SYNE2: variants seen among roughly 807,000 people sequenced by gnomAD.
SYNE2 encodes the protein nesprin-2.
A neutral mutation model predicts 856.3 loss-of-function variants in SYNE2; 431 were observed. That is an observed-to-expected ratio of 0.50 (90% confidence interval 0.47 to 0.55). The LOEUF is 0.55. SYNE2 is among the 20% of genes least tolerant of loss of function. The pLI is 0.00. For missense variants in SYNE2, 8,129 were observed against 8,023.2 expected (o/e 1.01, Z -0.50); for synonymous variants, 2,923 against 2,872.3 (o/e 1.02, Z -0.56).
intron 88 of SYNE2, chr14:64,162,726 A>T (rs1423520888): frequency 7.6e-6 from 2 of 261,546 alleles, no homozygotes; most frequent in Non-Finnish European, 1.5e-5. Context: ...AGTTTCCTCT[A>T]TGGTGTTTTT....
chr14:64,087,671 A>G lies in SYNE2; in HGVS notation c.11485A>G (p.Met3829Val). 6.2e-7 allele frequency: 1 copy of G among 1,613,970 alleles called. No homozygotes were observed. Among genetic ancestry groups the G allele is most frequent in the Non-Finnish European group, 8.5e-7 (1 of 1,179,930 alleles). The stretch of plus-strand genomic sequence containing the variant: ...TTTTTCCCATTCTGTGTTTATCTAG[A>G]TGGCTTTGGAAGATTCAGAACAGAA... ...TLSHHASTVQMALEDSEQKHN... is the reference protein window; with the variant it reads ...TLSHHASTVQVALEDSEQKHN... Residue 3829 changes from methionine to valine, a missense_variant and splice_region_variant, in exon 58 of 116, where the codon ATG becomes GTG. By Grantham distance (21) the Met-to-Val change is conservative. This residue lies in a region of SYNE2 where 5,410 missense variants were observed against 5,284.8 expected (regional missense o/e 1.02). Transcript: ENST00000555002.
Position 64,125,216 on chromosome 14 carries a change from A to C in SYNE2, c.13554+6A>C. ...CAAGTAACCTTCAGACACAGGTAGA[A>C]GCTGCACACAATGTGTTTTCCTCAT... On this transcript the variant is annotated splice_donor_region_variant and intron_variant, in intron 71 of 115. Coordinates refer to ENST00000555002, the MANE Select transcript of SYNE2 (RefSeq NM_182914.3). The C allele has an allele frequency of 6.2e-7, 1 of 1,614,102 alleles. No individual in the cohort carries two copies. The highest frequency in any genetic ancestry group is 1.1e-5 in the South Asian group (1 of 91,090).
rs779652892 is a variant in SYNE2, at chr14:64,225,445, C to G, written c.20643C>G (p.Asp6881Glu). Reference protein sequence around the residue: ...LACLLPSSEEDYSCTQANNFA... With the variant: ...LACLLPSSEEEYSCTQANNFA... ...GCCTGCTGCCCTCCTCCGAAGAAGA[C>G]TACAGCTGCACTCAGGCCAACAACT... Residue 6881 changes from aspartate (D) to glutamate (E), a missense_variant, in exon 116 of 116, where the codon GAC (aspartate) becomes GAG (glutamate). Coordinates refer to ENST00000555002, the MANE Select transcript of SYNE2 (RefSeq NM_182914.3). 9 of 1,614,080 alleles carry G rather than the reference C, an allele frequency of 5.6e-6. No homozygotes were observed. In the East Asian group the frequency reaches 1.1e-4, roughly 20 times the overall value.
At chr14:64,137,209 T>C (rs1446734917) in intron 78 of SYNE2, among the ~76,000 whole-genome samples, 1 of 152,226 alleles carries the variant, frequency 6.6e-6, no homozygotes, top group Non-Finnish European at 1.5e-5. Context: ...TGTTTTGTTT[T>C]GTTTTGTTTT....
chr14:63,983,860 C>T lies in SYNE2; in HGVS notation c.2125C>T (p.Pro709Ser), dbSNP rs749973572. 21 of 1,569,356 alleles carry T rather than the reference C, an allele frequency of 1.3e-5. 1 individual carries two copies. In the South Asian group the frequency reaches 2.1e-4, roughly 16 times the overall value. The stretch of plus-strand genomic sequence containing the variant: ...TTCAACAGATATGTCAGTAGAACTT[C>T]CTGAAAATTATAATCAAAATATAAA... ...EFSTDMSVELPENYNQNIKAG... is the reference protein window; with the variant it reads ...EFSTDMSVELSENYNQNIKAG... The change falls in exon 18 of 116, where the codon CCT (proline) becomes TCT (serine). Residue 709 changes from proline to serine, a missense_variant. Transcript: ENST00000555002.
At chr14:64,137,639 T>A (rs994839337) in intron 78 of SYNE2, 148 bp from the exon 79 acceptor site, 1 of 805,386 alleles carries the variant, frequency 1.2e-6, no homozygotes, top group Admixed American at 2.3e-5. Flanking sequence ...TAATCATGCA[T>A]CCAGTCAGAC....
At chr14:63,953,543 G>GATAGAT (rs1595856502) in intron 7 of SYNE2, among the ~76,000 whole-genome samples, 9 of 90,500 alleles carry the variant, frequency 9.9e-5, no homozygotes, top group Admixed American at 2.3e-4. Context: ...GAGAGAGAGA[G>GATAGAT]AGATAGATAG....
At chr14:64,167,997 A>G (rs1018235263) in intron 92 of SYNE2, among the ~76,000 whole-genome samples, 1 of 152,236 alleles carries the variant, frequency 6.6e-6, no homozygotes, top group Non-Finnish European at 1.5e-5. Context: ...ATAGTATTAA[A>G]GCACCTGGTA....
rs1890758638 is a variant in SYNE2, at chr14:63,853,111, G to A, written c.-84G>A. On this transcript the variant is annotated 5_prime_UTR_variant, in exon 1 of 116. Coordinates refer to ENST00000555002, the MANE Select transcript of SYNE2 (RefSeq NM_182914.3). The stretch of plus-strand genomic sequence containing the variant: ...CGGGGCGCCGACCTCGGGCGGCCCC[G>A]GCCCGCGCCCTTGCCCCTCGGCCGG... The A allele has an allele frequency of 6.6e-6, 1 of 151,818 alleles. No homozygotes were observed. The highest frequency in any genetic ancestry group is 6.6e-5 in the Admixed American group (1 of 15,226). The allele number at this position is 151,818 out of a possible 1,614,324, so 9.4% of individuals were successfully genotyped here.
rs760076701 is a variant in SYNE2 at position 64,138,003 on chromosome 14, G to A, written c.14843+20G>A. ...GCTCAGGTCAGCCTTTTTGGGGGTG[G>A]ATTGGCTTCATATTGTGCTGTGAAG... On this transcript the variant is annotated intron_variant, in intron 79 of 115. Coordinates refer to ENST00000555002, the MANE Select transcript of SYNE2 (RefSeq NM_182914.3). The A allele has an allele frequency of 5.0e-6, 8 of 1,607,050 alleles. No individual in the cohort carries two copies. The highest frequency in any genetic ancestry group is 3.5e-4 in the Middle Eastern group (2 of 5,788).
chr14:63,816,548 G>T (rs929721756), intron 1 of SYNE2, among the ~76,000 whole-genome samples: 1 of 152,012 alleles, frequency 6.6e-6, no homozygotes, highest in South Asian at 2.1e-4. Flanking sequence ...CCTGAAGCAG[G>T]TCATAAAATC....
At chr14:64,024,190 G>C (rs1317370465) in intron 38 of SYNE2, 67 bp from the exon 39 acceptor site, 7 of 1,431,120 alleles carry the variant, frequency 4.9e-6, no homozygotes, top group East Asian at 2.3e-5. Flanking sequence ...GAAAAGTGTC[G>C]TGAGGGTGGC....
chr14:64,027,040 GTCTA>G (rs2096986100), intron 42 of SYNE2, among the ~76,000 whole-genome samples: 1 of 152,156 alleles, frequency 6.6e-6, no homozygotes. Context: ...TTCATATCAT[GTCTA>G]CAATGGTACA....
chr14:64,199,726 A>AT (rs1567622064), intron 99 of SYNE2, among the ~76,000 whole-genome samples: 17 of 151,652 alleles, frequency 1.1e-4, no homozygotes, highest in African/African-American at 4.1e-4. Context: ...AAAAAAAAAA[A>AT]AAAAAAAAAA....
chr14:63,779,013 GAAGA>G (rs1307493522), intron 1 of SYNE2, among the ~76,000 whole-genome samples: 5 of 151,984 alleles, frequency 3.3e-5, no homozygotes, highest in Non-Finnish European at 7.4e-5. Flanking sequence ...AGCTGGGAGG[GAAGA>G]AAGAAAGAAA....
chr14:64,043,687 T>C lies in SYNE2; in HGVS notation c.7222-4313T>C, dbSNP rs566551749. ...TTCCATGTGGTGTTGAGCCTGTGGG[T>C]ACACAGAAGTCAAGAAATGAGGTTT... is the stretch of plus-strand genomic sequence containing the variant. On this transcript the variant is annotated intron_variant, in intron 45 of 115. Transcript: ENST00000555002. Among the ~76,000 whole-genome samples, 3 of 152,340 alleles carry C rather than the reference T, an allele frequency of 2.0e-5. No homozygotes were observed. In the South Asian group the frequency reaches 6.2e-4, roughly 32 times the overall value.
rs542037777 is a variant in SYNE2 at position 63,996,359 on chromosome 14, A to G, written c.2941-588A>G. ...TCATCTCATCTTCCGTACCAGCACC[A>G]GAGTTGTCCTTTTGAGCCACAAATC... On this transcript the variant is annotated intron_variant, in intron 23 of 115. Transcript: ENST00000555002. 3.3e-5 allele frequency among the ~76,000 whole-genome samples: 5 copies of G among 152,312 alleles called. No homozygotes were observed. In the East Asian group the frequency reaches 7.7e-4, roughly 23 times the overall value.
intron 80 of SYNE2, among the ~76,000 whole-genome samples, chr14:64,140,768 G>GA (rs952284695): frequency 1.1e-4 from 16 of 151,544 alleles, no homozygotes; most frequent in Non-Finnish European, 2.2e-4. Context: ...GTGTTTTTTG[G>GA]AAAAAAATTC....
At chr14:63,984,141 G>A (rs2096607249) in intron 18 of SYNE2, among the ~76,000 whole-genome samples, 1 of 152,132 alleles carries the variant, frequency 6.6e-6, no homozygotes, top group Non-Finnish European at 1.5e-5. Flanking sequence ...TACTTGGCAG[G>A]CTGAGGTGGG....
Sources: allele counts gnomAD v4.1 joint callset (sites outside exome capture counted in the v4.1 genomes callset), GRCh38; gene constraint gnomAD v4.1.1; regional missense constraint gnomAD v4.1.1; transcripts MANE v1.5; gene names NCBI Gene and HGNC (gene_info 2026-07-23, HGNC 2026-07-21).